The following CDIN1 variants were observed in gnomAD, a reference collection of about 807,000 sequenced individuals.
CDIN1 encodes the protein CDAN1-interacting nuclease 1.
A neutral mutation model predicts 45.3 loss-of-function variants in CDIN1; 33 were observed. The observed-to-expected ratio is 0.73, with a 90% confidence interval of 0.55 to 0.97. The LOEUF (loss-of-function observed/expected upper bound fraction) is 0.97. Ranked by LOEUF, CDIN1 falls within the 50% of genes least tolerant of loss-of-function variation. CDIN1 has a pLI of 0.00. For synonymous variants in CDIN1, 118 were observed against 124.4 expected, an observed-to-expected ratio of 0.95 and a Z score of 0.34; for missense variants, 303 against 339.4, an observed-to-expected ratio of 0.89 and a Z score of 0.84.
At chr15:36,740,120 C>T (rs1451562600) in intron 10 of CDIN1, among the ~76,000 whole-genome samples, 4 of 152,164 alleles carry the variant, frequency 2.6e-5, no homozygotes, top group South Asian at 2.1e-4. Context: ...AGAATATTAA[C>T]GGCTCTGAGA....
At chr15:36,601,178 T>C (rs992026253) in intron 1 of CDIN1, among the ~76,000 whole-genome samples, 6 of 151,700 alleles carry the variant, frequency 4.0e-5, no homozygotes, top group African/African-American at 1.4e-4. Flanking sequence ...TGAATGACTT[T>C]ACCAACTGGG....
chr15:36,589,198 A>G (rs2037450706), intron 1 of CDIN1, among the ~76,000 whole-genome samples: 1 of 152,156 alleles, frequency 6.6e-6, no homozygotes, highest in South Asian at 2.1e-4. Context: ...GTTTTGCCGT[A>G]TTGGTTGAAT....
chr15:36,791,169 GC>G (rs1372794849), intron 10 of CDIN1, among the ~76,000 whole-genome samples: 1 of 151,922 alleles, frequency 6.6e-6, no homozygotes, highest in Non-Finnish European at 1.5e-5. Context: ...AAATCATTCA[GC>G]CCATCTTACA....
intron 1 of CDIN1, among the ~76,000 whole-genome samples, chr15:36,604,918 A>G (rs1405419211): frequency 6.6e-6 from 1 of 152,180 alleles, no homozygotes; most frequent in African/African-American, 2.4e-5. Context: ...CATAGAAAAT[A>G]TCTAAGATTC....
intron 10 of CDIN1, among the ~76,000 whole-genome samples, chr15:36,727,661 A>G (rs553743015): frequency 2.0e-4 from 30 of 152,204 alleles, no homozygotes; most frequent in Non-Finnish European, 4.1e-4. Flanking sequence ...CTCACATGCT[A>G]CTGAATATTA....
intron 8 of CDIN1, chr15:36,704,207 C>T (rs1019445471): frequency 3.9e-5 from 6 of 152,070 alleles, no homozygotes; most frequent in Non-Finnish European, 7.3e-5. Context: ...TTCTATAAGG[C>T]ACTTCAATTT....
chr15:36,809,204 A>T lies in CDIN1; in HGVS notation c.*751A>T. 3.5e-6 allele frequency: 1 copy of T among 281,974 alleles called. No homozygotes were observed. Among genetic ancestry groups the T allele is most frequent in the Non-Finnish European group, 7.0e-6 (1 of 142,068 alleles). The allele number at this position is 281,974 out of a possible 1,614,324, so 17.5% of individuals were successfully genotyped here. ...TAGTTCCATTGTGCCTGGAAACCAC[A>T]CTCCTTTAGATTGGGGGCCGAGAGG... On this transcript the variant is annotated 3_prime_UTR_variant, in exon 11 of 11. Transcript: ENST00000566621.
intron 8 of CDIN1, among the ~76,000 whole-genome samples, chr15:36,703,321 C>T (rs1237709852): frequency 3.6e-4 from 45 of 123,370 alleles, no homozygotes; most frequent in Admixed American, 5.7e-4. Flanking sequence ...CAGATATATA[C>T]ATATATCAGA....
At position 36,644,099 on chromosome 15, in the gene CDIN1, C is replaced by T. The variant is rs189906558; in HGVS notation, c.102-179C>T. On this transcript the variant is annotated intron_variant, in intron 1 of 10. Coordinates refer to ENST00000566621, the MANE Select transcript of CDIN1 (RefSeq NM_001321759.2). The stretch of plus-strand genomic sequence containing the variant: ...TTTTCCCCTTTCCTTTTTTCTCTCT[C>T]CTTGACCCAGCGGCAGGAAGCCTTT... 9.2e-5 allele frequency among the ~76,000 whole-genome samples: 14 copies of T among 152,238 alleles called. No individual in the cohort carries two copies. In the East Asian group the frequency reaches 2.5e-3, roughly 27 times the overall value.
At chr15:36,617,727 G>T in intron 1 of CDIN1, 3 of 793,280 alleles carry the variant, frequency 3.8e-6, no homozygotes, top group Non-Finnish European at 4.6e-6. Context: ...ACCAATAGAG[G>T]AAGTGAAAGC....
At chr15:36,649,842 A>G (rs1595420746) in intron 3 of CDIN1, among the ~76,000 whole-genome samples, 2 of 152,172 alleles carry the variant, frequency 1.3e-5, no homozygotes, top group Non-Finnish European at 2.9e-5. Context: ...ACATACTTAC[A>G]TACACAGCTC....
chr15:36,694,997 A>G (rs1354987791), intron 7 of CDIN1, among the ~76,000 whole-genome samples: 1 of 152,216 alleles, frequency 6.6e-6, no homozygotes, highest in African/African-American at 2.4e-5. Flanking sequence ...TTTGTGATTT[A>G]AAAATGTGTT....
chr15:36,739,229 A>G (rs1287713670), intron 10 of CDIN1, among the ~76,000 whole-genome samples: 4 of 152,176 alleles, frequency 2.6e-5, no homozygotes, highest in Admixed American at 2.6e-4. Context: ...CTGTTTCAAC[A>G]ACAACAAAAA....
chr15:36,581,521 T>C (rs1043114787), intron 1 of CDIN1, among the ~76,000 whole-genome samples: 2 of 152,216 alleles, frequency 1.3e-5, no homozygotes, highest in African/African-American at 4.8e-5. Flanking sequence ...ATAACAACTC[T>C]CCTTCCACAG....
At chr15:36,636,661 G>GAT (rs1406356793) in intron 1 of CDIN1, among the ~76,000 whole-genome samples, 1 of 152,220 alleles carries the variant, frequency 6.6e-6, no homozygotes, top group South Asian at 2.1e-4. Context: ...AGTAAGCAGA[G>GAT]ATATATGCAA....
intron 1 of CDIN1, among the ~76,000 whole-genome samples, chr15:36,587,541 G>A (rs2037362729): frequency 6.6e-6 from 1 of 152,108 alleles, no homozygotes; most frequent in South Asian, 2.1e-4. Context: ...CTTGGGACAA[G>A]CACAGCAGTT....
rs537826371 is a variant in CDIN1 at position 36,629,130 on chromosome 15, G to A, written c.102-15148G>A. Among the ~76,000 whole-genome samples the A allele has an allele frequency of 4.6e-5, 7 of 152,276 alleles. No individual in the cohort carries two copies. In the East Asian group the frequency reaches 1.4e-3, roughly 29 times the overall value. On this transcript the variant is annotated intron_variant, in intron 1 of 10. Coordinates refer to ENST00000566621, the MANE Select transcript of CDIN1 (RefSeq NM_001321759.2). ...CATTGATTTTGGCCTGCTGATAAGG[G>A]TTTTGGACTTCTGGCCTCCAGAACT...
intron 1 of CDIN1, among the ~76,000 whole-genome samples, chr15:36,580,204 T>C (rs557150469): frequency 6.6e-6 from 1 of 152,344 alleles, no homozygotes; most frequent in African/African-American, 2.4e-5. Context: ...TCAACAGATA[T>C]TTATGGAAAA....
rs562214436 is a variant in CDIN1 at position 36,759,354 on chromosome 15, T to G, written c.717-48970T>G. 7.2e-5 allele frequency among the ~76,000 whole-genome samples: 11 copies of G among 152,296 alleles called. No homozygotes were observed. The South Asian group carries it at 2.3e-3, about 32-fold the overall frequency. ...AACCTGCTGACAGGAATTCTCCATT[T>G]TGAATTATTAGGTCTTGCAGGTCCA... On this transcript the variant is annotated intron_variant, in intron 10 of 10. Transcript: ENST00000566621.
Sources: allele counts gnomAD v4.1 joint callset (sites outside exome capture counted in the v4.1 genomes callset), GRCh38; gene constraint gnomAD v4.1.1; transcripts MANE v1.5; gene names NCBI Gene and HGNC (gene_info 2026-07-23, HGNC 2026-07-21).